The following AK9 variants were observed in gnomAD, a reference collection of about 807,000 sequenced individuals.
AK9 encodes the protein adenylate kinase 9, also known as adenylate kinase domain containing 1.
Under a neutral mutation model 239.6 loss-of-function variants are expected in AK9, and 191 were observed. That is an observed-to-expected ratio of 0.80 (90% confidence interval 0.71 to 0.90). The LOEUF (loss-of-function observed/expected upper bound fraction) is 0.90, where lower values mean the gene tolerates loss of function less well. Ranked by LOEUF, AK9 falls within the 40% of genes least tolerant of loss-of-function variation. The pLI, the probability that AK9 is intolerant of heterozygous loss-of-function variation, is 0.00. For synonymous variants in AK9, 689 were observed against 721.0 expected, an observed-to-expected ratio of 0.96 and a Z score of 0.71; for missense variants, 1,995 against 2,214.7, an observed-to-expected ratio of 0.90 and a Z score of 1.99.
At chr6:109,626,873 G>C (rs573969298) in intron 12 of AK9, among the ~76,000 whole-genome samples, 11 of 152,200 alleles carry the variant, frequency 7.2e-5, no homozygotes, top group African/African-American at 2.4e-4. Context: ...GAAGGTCTAG[G>C]ACATTACTGT....
rs1352755300 is a variant in AK9 at position 109,586,643 on chromosome 6, T to C, written c.1843-571A>G. 3.3e-5 allele frequency among the ~76,000 whole-genome samples: 5 copies of C among 152,212 alleles called. No individual in the cohort carries two copies. In the East Asian group the frequency reaches 9.7e-4, roughly 29 times the overall value. The stretch of plus-strand genomic sequence containing the variant: ...GTGACAACACCCTTCACTTCTCTTC[T>C]GCTTTCATTTCTCAGTGTGAGAGCT... On this transcript the variant is annotated intron_variant, in intron 17 of 40. Coordinates refer to ENST00000424296, the MANE Select transcript of AK9 (RefSeq NM_001145128.3).
intron 17 of AK9, among the ~76,000 whole-genome samples, chr6:109,600,117 G>C (rs1302215587): frequency 6.6e-6 from 1 of 152,094 alleles, no homozygotes; most frequent in East Asian, 1.9e-4. Flanking sequence ...ACACTATGTT[G>C]AATAGGAGTG....
At chr6:109,535,488 T>G (rs1781858322) in intron 27 of AK9, among the ~76,000 whole-genome samples, 1 of 152,240 alleles carries the variant, frequency 6.6e-6, no homozygotes, top group Non-Finnish European at 1.5e-5. Flanking sequence ...TTGAGTTCTT[T>G]GTAGATTCTG....
chr6:109,656,069 T>C (rs1799661429), intron 8 of AK9, among the ~76,000 whole-genome samples: 1 of 152,232 alleles, frequency 6.6e-6, no homozygotes, highest in Non-Finnish European at 1.5e-5. Context: ...GTGTTTTATT[T>C]GTCTTCACAG....
chr6:109,671,843 A>G lies in AK9; in HGVS notation c.331+76T>C, dbSNP rs544425216. The G allele has an allele frequency of 1.5e-5, 20 of 1,341,906 alleles. No individual in the cohort carries two copies. The South Asian group carries it at 2.4e-4, about 16-fold the overall frequency. 83.1% of individuals were successfully genotyped at this position (1,341,906 alleles called of 1,614,324 possible). Reference sequence around the variant, plus strand: ...AAGGCAAAAGAAAGGGCAACTCCAGAAACTATTTTTGCCTCAGATAAAGCA... The same window carrying G: ...AAGGCAAAAGAAAGGGCAACTCCAGGAACTATTTTTGCCTCAGATAAAGCA... On this transcript the variant is annotated intron_variant, in intron 5 of 40. Coordinates refer to ENST00000424296, the MANE Select transcript of AK9 (RefSeq NM_001145128.3).
chr6:109,517,849 T>C (rs1779425198), intron 29 of AK9, among the ~76,000 whole-genome samples: 2 of 152,120 alleles, frequency 1.3e-5, no homozygotes, highest in East Asian at 1.9e-4. Flanking sequence ...CTGAACCCTA[T>C]AATAATCATC....
chr6:109,593,988 C>T (rs1156385081), intron 17 of AK9, among the ~76,000 whole-genome samples: 1 of 152,158 alleles, frequency 6.6e-6, no homozygotes, highest in Non-Finnish European at 1.5e-5. Flanking sequence ...CACTCCTATT[C>T]AACATAGTAT....
Position 109,653,888 on chromosome 6 carries a change from C to G in AK9, c.759+2868G>C, listed in dbSNP as rs1583446699. On this transcript the variant is annotated intron_variant, in intron 8 of 40. Coordinates refer to ENST00000424296, the MANE Select transcript of AK9 (RefSeq NM_001145128.3). ...TATTAATATTCTTCTAAGTTTTCTT[C>G]TACTATTTGTTTTTATTTTTAATAC... Among the ~76,000 whole-genome samples the G allele has an allele frequency of 2.0e-5, 3 of 152,200 alleles. No individual in the cohort carries two copies. The South Asian group carries it at 6.2e-4, about 32-fold the overall frequency.
chr6:109,619,076 T>C lies in AK9; in HGVS notation c.1399+16A>G. The C allele has an allele frequency of 6.5e-7, 1 of 1,528,654 alleles. No individual in the cohort carries two copies. Among genetic ancestry groups the C allele is most frequent in the Non-Finnish European group, 8.8e-7 (1 of 1,140,370 alleles). The allele number at this position is 1,528,654 out of a possible 1,614,324, so 94.7% of individuals were successfully genotyped here. On this transcript the variant is annotated intron_variant, in intron 13 of 40. Coordinates refer to ENST00000424296, the MANE Select transcript of AK9 (RefSeq NM_001145128.3). Reference sequence around the variant, plus strand: ...TTACCTAAACTTAAAACACACATTTTAAAAAGATGTTTCACCTTGTTTTCT... The same window carrying C: ...TTACCTAAACTTAAAACACACATTTCAAAAAGATGTTTCACCTTGTTTTCT...
At chr6:109,539,166 G>T (rs1311540301) in intron 27 of AK9, among the ~76,000 whole-genome samples, 1 of 152,116 alleles carries the variant, frequency 6.6e-6, no homozygotes, top group Non-Finnish European at 1.5e-5. Flanking sequence ...TGCTAGGTTG[G>T]GGAAATTCTC....
intron 24 of AK9, among the ~76,000 whole-genome samples, chr6:109,558,910 C>G (rs1344680458): frequency 1.3e-5 from 2 of 149,914 alleles, no homozygotes; most frequent in Admixed American, 1.3e-4. Context: ...GTCGCCTAGG[C>G]TGGGGTGCGG....
At chr6:109,581,688 G>A (rs78867544) in intron 19 of AK9, among the ~76,000 whole-genome samples, 1,677 of 152,342 alleles carry the variant, frequency 0.011, 31 homozygotes, top group African/African-American at 0.039. Flanking sequence ...GCAAGGTGAA[G>A]CAGGCAAGTG....
At chr6:109,513,995 T>G (rs1488484741) in intron 32 of AK9, among the ~76,000 whole-genome samples, 1 of 152,206 alleles carries the variant, frequency 6.6e-6, no homozygotes, top group Non-Finnish European at 1.5e-5. Context: ...AGCCAATCAA[T>G]GATTTTTGCA....
At chr6:109,644,479 G>A in intron 9 of AK9, 135 bp downstream of exon 9, 1 of 688,964 alleles carries the variant, frequency 1.5e-6, no homozygotes, top group South Asian at 2.7e-5. Context: ...AAAATTTTAA[G>A]TGTTAAGACA....
chr6:109,672,574 T>G (rs1386424701), intron 3 of AK9, among the ~76,000 whole-genome samples: 4 of 152,102 alleles, frequency 2.6e-5, no homozygotes, highest in African/African-American at 4.8e-5. Flanking sequence ...TAGTCCCTGC[T>G]ACTCAGGAAG....
intron 31 of AK9, among the ~76,000 whole-genome samples, chr6:109,515,164 A>G (rs142527302): frequency 8.9e-4 from 136 of 152,326 alleles, no homozygotes; most frequent in African/African-American, 3.2e-3. Flanking sequence ...GTATTTTGTA[A>G]CGGCAGCCAG....
intron 19 of AK9, among the ~76,000 whole-genome samples, chr6:109,584,533 T>C (rs1789247190): frequency 6.6e-6 from 1 of 152,164 alleles, no homozygotes; most frequent in African/African-American, 2.4e-5. Flanking sequence ...TTTAATATTT[T>C]ATTCTTCAAT....
chr6:109,609,412 G>A (rs547873753), intron 17 of AK9, among the ~76,000 whole-genome samples: 32 of 152,144 alleles, frequency 2.1e-4, no homozygotes, highest in Non-Finnish European at 4.4e-4. Context: ...CCCACCTGAC[G>A]GATAGCTCCT....
chr6:109,647,290 T>G (rs551249760), intron 8 of AK9, among the ~76,000 whole-genome samples: 4 of 152,246 alleles, frequency 2.6e-5, no homozygotes, highest in African/African-American at 4.8e-5. Context: ...AGACACAGAT[T>G]GGCAAATTGG....
Sources: allele counts gnomAD v4.1 joint callset (sites outside exome capture counted in the v4.1 genomes callset), GRCh38; gene constraint gnomAD v4.1.1; transcripts MANE v1.5; gene names NCBI Gene and HGNC (gene_info 2026-07-23, HGNC 2026-07-21).